PDE1C: variants seen among roughly 807,000 people sequenced by gnomAD.
PDE1C encodes dual specificity calcium/calmodulin-dependent 3',5'-cyclic nucleotide phosphodiesterase 1C.
PDE1C carries 62 observed loss-of-function variants against 93.1 expected under a neutral mutation model. The ratio of observed to expected loss-of-function variants is 0.67; its 90% confidence interval spans 0.54 to 0.82. The LOEUF is 0.82. PDE1C is among the 40% of genes least tolerant of loss of function. The pLI, the probability that PDE1C is intolerant of heterozygous loss-of-function variation, is 0.00. For missense variants in PDE1C, 742 were observed against 884.6 expected, an observed-to-expected ratio of 0.84 and a Z score of 2.04; for synonymous variants, 325 against 310.1, an observed-to-expected ratio of 1.05 and a Z score of -0.50.
chr7:32,130,877 C>G (rs899113397), intron 3 of PDE1C, among the ~76,000 whole-genome samples: 2 of 152,070 alleles, frequency 1.3e-5, no homozygotes, highest in Non-Finnish European at 2.9e-5. Flanking sequence ...AAGAGCACCT[C>G]CTCATCTCAT....
At chr7:31,699,356 G>A in the PDE1C span, among the ~76,000 whole-genome samples, 1 of 152,174 alleles carries the variant, frequency 6.6e-6, no homozygotes, top group Non-Finnish European at 1.5e-5. Context: ...AGGGGAGCAA[G>A]CTAGCACGGT....
At chr7:31,681,390 T>G in the PDE1C span, among the ~76,000 whole-genome samples, 19 of 9,616 alleles carry the variant, frequency 2.0e-3, no homozygotes, top group Admixed American at 7.3e-3. Flanking sequence ...GATGGATGGA[T>G]GGATGGATGG....
the PDE1C span, among the ~76,000 whole-genome samples, chr7:31,681,756 C>T: frequency 6.6e-6 from 1 of 152,160 alleles, no homozygotes; most frequent in Non-Finnish European, 1.5e-5. Flanking sequence ...AGAAGACCTC[C>T]CTTTTAGTTC....
At chr7:31,753,679 G>A in intron 17 of PDE1C, 126 bp from the exon 18 acceptor site, 1 of 1,346,324 alleles carries the variant, frequency 7.4e-7, no homozygotes, top group Admixed American at 3.2e-5. Flanking sequence ...GAAGCAGTTT[G>A]GATTCTCCCT....
At chr7:32,387,108 T>A (rs1231463705) in intron 1 of PDE1C, among the ~76,000 whole-genome samples, 3 of 151,262 alleles carry the variant, frequency 2.0e-5, no homozygotes, top group Non-Finnish European at 4.4e-5. Flanking sequence ...AATCATCTGT[T>A]TAACAAAGCA....
chr7:31,982,501 T>G (rs1370272614), intron 2 of PDE1C, among the ~76,000 whole-genome samples: 1 of 152,184 alleles, frequency 6.6e-6, no homozygotes, highest in Non-Finnish European at 1.5e-5. Flanking sequence ...ATCAATACTG[T>G]CATCAACAAC....
intron 2 of PDE1C, among the ~76,000 whole-genome samples, chr7:32,017,166 G>C (rs1359022847): frequency 2.0e-5 from 3 of 152,058 alleles, no homozygotes; most frequent in Non-Finnish European, 2.9e-5. Flanking sequence ...TTACTCATAT[G>C]GCAAACAATA....
the PDE1C span, among the ~76,000 whole-genome samples, chr7:31,702,696 G>A: frequency 6.6e-6 from 1 of 152,194 alleles, no homozygotes; most frequent in Admixed American, 6.5e-5. Context: ...CAACTTGCAT[G>A]ATGAATTCAT....
chr7:32,093,119 C>T (rs1403806675), intron 3 of PDE1C, among the ~76,000 whole-genome samples: 4 of 152,196 alleles, frequency 2.6e-5, no homozygotes, highest in African/African-American at 9.7e-5. Context: ...AAAGTATGCA[C>T]ATAGAAAGTG....
In PDE1C at chr7:31,796,606, C is replaced by T. The variant is rs753572743; in HGVS notation, c.1891+12425G>A. ...CCATGAATAAGTAACAGGTTTTGTA[C>T]GTCCATGCTCCCAAGACTAAAAGTC... On this transcript the variant is annotated intron_variant, in intron 16 of 17. Coordinates refer to ENST00000396191, the MANE Select transcript of PDE1C (RefSeq NM_001191057.4). Among the ~76,000 whole-genome samples the T allele has an allele frequency of 4.0e-5, 6 of 151,868 alleles. No individual in the cohort carries two copies. In the East Asian group the frequency reaches 9.7e-4, roughly 25 times the overall value.
In PDE1C at chr7:32,426,274, C is replaced by CTT. The variant is rs11332404; in HGVS notation, c.310+1546_310+1547dup. ...AGAAAATGGTGTAACTATATTTGTA[C>CTT]TTTTTTTTTTTTTTTTTGAGATAGG... is the stretch of plus-strand genomic sequence containing the variant. On this transcript the variant is annotated intron_variant, in intron 1 of 1. Coordinates refer to the PDE1C transcript ENST00000672256. 2.2e-5 allele frequency among the ~76,000 whole-genome samples: 3 copies of CTT among 138,770 alleles called. No individual in the cohort carries two copies. The South Asian group carries it at 6.9e-4, about 32-fold the overall frequency. 91.0% of individuals were successfully genotyped at this position (138,770 alleles called of 152,430 possible). A position where few individuals can be genotyped will look rare whatever the true frequency, so the allele number is the denominator to read the frequency against.
the PDE1C span, among the ~76,000 whole-genome samples, chr7:31,625,831 A>AT: frequency 3.6e-3 from 550 of 151,802 alleles, 1 homozygote; most frequent in Middle Eastern, 6.8e-3. Flanking sequence ...TTTTTTTTAA[A>AT]TTTTTTCTTT....
At chr7:31,986,929 AACACACACAC>A (rs10551724) in intron 2 of PDE1C, among the ~76,000 whole-genome samples, 10,856 of 149,870 alleles carry the variant, frequency 0.072, 592 homozygotes, top group East Asian at 0.32. Flanking sequence ...ATTGAACACG[AACACACACAC>A]ACACACACAC....
At chr7:31,880,714 C>G (rs749681898) in intron 3 of PDE1C, 33 bp downstream of exon 3, 1 of 1,297,498 alleles carries the variant, frequency 7.7e-7, no homozygotes, top group Non-Finnish European at 1.1e-6. Flanking sequence ...TTTACTATCA[C>G]TATACTAATC....
intron 2 of PDE1C, among the ~76,000 whole-genome samples, chr7:32,206,387 C>CTATT (rs1335698093): frequency 6.6e-6 from 1 of 152,132 alleles, no homozygotes; most frequent in Non-Finnish European, 1.5e-5. Context: ...AGCTGACTGT[C>CTATT]TAATAGAGAC....
intron 1 of PDE1C, among the ~76,000 whole-genome samples, chr7:32,315,385 G>A (rs1344478319): frequency 1.3e-5 from 2 of 150,972 alleles, no homozygotes; most frequent in African/African-American, 4.9e-5. Context: ...AAGGAAGGTA[G>A]AGAGGAAAGG....
intron 2 of PDE1C, among the ~76,000 whole-genome samples, chr7:31,906,682 G>C (rs376496914): frequency 1.2e-3 from 177 of 152,286 alleles, no homozygotes; most frequent in African/African-American, 3.9e-3. Context: ...GCGAATAAAA[G>C]AAGGGCTAGC....
At chr7:31,711,521 A>G in the PDE1C span, among the ~76,000 whole-genome samples, 1 of 152,170 alleles carries the variant, frequency 6.6e-6, no homozygotes, top group Non-Finnish European at 1.5e-5. Context: ...GGGTCCAAAA[A>G]CACAGGAGGT....
chr7:32,020,794 CCAA>C (rs1788559122), intron 2 of PDE1C, among the ~76,000 whole-genome samples: 1 of 152,080 alleles, frequency 6.6e-6, no homozygotes, highest in East Asian at 1.9e-4. Flanking sequence ...CAAAATCTTC[CCAA>C]CAACATGAGG....
Sources: gnomAD v4.1 joint callset for allele counts (sites outside exome capture counted in the v4.1 genomes callset) on GRCh38, gnomAD v4.1.1 for gene constraint, MANE v1.5 for transcripts, NCBI Gene and HGNC (gene_info 2026-07-23, HGNC 2026-07-21) for gene names.